The following GGA2 variants were observed in gnomAD, a reference collection of about 807,000 sequenced individuals.
GGA2 encodes the protein ADP-ribosylation factor-binding protein GGA2.
A neutral mutation model predicts 79.5 loss-of-function variants in GGA2; 48 were observed. The ratio of observed to expected loss-of-function variants is 0.60; its 90% CI spans 0.48 to 0.77. The LOEUF (loss-of-function observed/expected upper bound fraction) is 0.77, where lower values mean the gene tolerates loss of function less well. Among genes scored for constraint, GGA2 ranks in the 30% least tolerant of loss-of-function variants. GGA2 has a pLI of 0.00. For missense variants in GGA2, 770 were observed against 774.0 expected (o/e 0.99, Z 0.06); for synonymous variants, 317 against 302.0 (o/e 1.05, Z -0.51).
intron 5 of GGA2, among the ~76,000 whole-genome samples, chr16:23,489,408 T>A (rs9936146): frequency 0.085 from 12,952 of 152,092 alleles, 957 homozygotes; most frequent in African/African-American, 0.2. Context: ...GTAATTTTTT[T>A]AAAAAATTTT....
At chr16:23,488,741 G>T in intron 5 of GGA2, 32 bp from the exon 6 acceptor site, 2 of 1,176,828 alleles carry the variant, frequency 1.7e-6, no homozygotes, top group Admixed American at 1.8e-5. Flanking sequence ...TTAAGACACC[G>T]ATATGGTACC....
At chr16:23,492,340 T>C (rs1964799272) in intron 4 of GGA2, among the ~76,000 whole-genome samples, 1 of 152,094 alleles carries the variant, frequency 6.6e-6, no homozygotes, top group Non-Finnish European at 1.5e-5. Context: ...TCCCCCCACC[T>C]GTGGAGGTGG....
chr16:23,472,190 T>C (rs1401668452), intron 14 of GGA2, among the ~76,000 whole-genome samples: 1 of 136,910 alleles, frequency 7.3e-6, no homozygotes, highest in Non-Finnish European at 1.6e-5. Flanking sequence ...CCTGGTTTTT[T>C]TTTTTTTTTT....
At chr16:23,469,954 A>G (rs1320149789) in intron 15 of GGA2, 42 bp downstream of exon 15, 1 of 1,415,234 alleles carries the variant, frequency 7.1e-7, no homozygotes, top group East Asian at 2.6e-5. Context: ...TGGCACTCAA[A>G]AACGACAGCC....
intron 11 of GGA2, 132 bp downstream of exon 11, chr16:23,479,633 A>C: frequency 9.5e-7 from 1 of 1,055,774 alleles, no homozygotes; most frequent in Non-Finnish European, 1.4e-6. Flanking sequence ...TCCCAGAGGG[A>C]ACCAGCTCAC....
chr16:23,498,544 A>G (rs1401953297), intron 1 of GGA2, among the ~76,000 whole-genome samples: 1 of 152,182 alleles, frequency 6.6e-6, no homozygotes, highest in Non-Finnish European at 1.5e-5. Flanking sequence ...CCTGGGCAAC[A>G]TAGTGAGGCC....
rs1242476354 is a variant in GGA2, at chr16:23,474,993, G to C, written c.1361C>G (p.Ser454Cys). 33 of 1,610,978 alleles carry C rather than the reference G, an allele frequency of 2.0e-5. No homozygotes were observed. Among genetic ancestry groups the C allele is most frequent in the Non-Finnish European group, 2.8e-5 (33 of 1,177,324 alleles). ...AGGAGCCAACGGGCCAGCCTCCCAG[G>C]ACCAACCTGGAGAGGACTTAGTACC... ...PPGTKSSPGWSWEAGPLAPSP... is the reference protein window; with the variant it reads ...PPGTKSSPGWCWEAGPLAPSP... The change falls in exon 14 of 17, where the codon TCC becomes TGC. Residue 454 changes from serine to cysteine, a missense_variant. Ser to Cys is a moderately radical substitution (Grantham distance 112, BLOSUM62 -1). Coordinates refer to ENST00000309859, the MANE Select transcript of GGA2 (RefSeq NM_015044.4).
upstream of GGA2, chr16:23,510,527 G>A (rs957330601): frequency 3.9e-5 from 16 of 406,666 alleles, no homozygotes; most frequent in African/African-American, 3.2e-4. Context: ...GACGGGGCGG[G>A]GCCGCTGGCG....
intron 7 of GGA2, 87 bp downstream of exon 7, chr16:23,486,623 T>C: frequency 1.2e-6 from 1 of 832,072 alleles, no homozygotes; most frequent in South Asian, 1.3e-5. Flanking sequence ...CAACCGTTCC[T>C]CTACCCCTCA....
At chr16:23,486,251 A>T (rs1567363675) in intron 7 of GGA2, 99 bp from the exon 8 acceptor site, 1 of 1,052,480 alleles carries the variant, frequency 9.5e-7, no homozygotes, top group African/African-American at 1.6e-5. Context: ...GAGCTCGCTC[A>T]GGGGCATCAC....
intron 2 of GGA2, among the ~76,000 whole-genome samples, chr16:23,495,175 G>T (rs1481526091): frequency 6.6e-6 from 1 of 151,974 alleles, no homozygotes. Context: ...CAGATGCTGT[G>T]GAAACAGAAT....
intron 13 of GGA2, among the ~76,000 whole-genome samples, chr16:23,476,225 C>G (rs1004682049): frequency 6.6e-6 from 1 of 152,102 alleles, no homozygotes; most frequent in Non-Finnish European, 1.5e-5. Context: ...CCACCCTGCC[C>G]GAGTGGCTGA....
rs1426813098 is a variant in GGA2 at position 23,494,398 on chromosome 16, C to A, written c.177-20G>T. 1 of 1,556,020 alleles carries A rather than the reference C, an allele frequency of 6.4e-7. No homozygotes were observed. The highest frequency in any genetic ancestry group is 1.7e-5 in the Admixed American group (1 of 59,962). On this transcript the variant is annotated intron_variant, in intron 2 of 16. Transcript: ENST00000309859. ...GTGGGGCTACAGGGAAACAAAAAGA[C>A]CTAGACTCTGGGCGGGCAAAAAGAA...
At chr16:23,475,167 CA>C in intron 13 of GGA2, 106 bp from the exon 14 acceptor site, 1 of 622,466 alleles carries the variant, frequency 1.6e-6, no homozygotes, top group Non-Finnish European at 2.8e-6. Context: ...CACACACACA[CA>C]CAGAGTTAGA....
At chr16:23,520,833 G>T (rs1451148644) in intron 1 of GGA2, among the ~76,000 whole-genome samples, 2 of 152,092 alleles carry the variant, frequency 1.3e-5, no homozygotes, top group Admixed American at 1.3e-4. Context: ...CTGTTCCCCA[G>T]GCTGGAGTAC....
Position 23,468,890 on chromosome 16 carries a change from T to A in GGA2, c.1727A>T (p.His576Leu). Residue 576 changes from histidine (H) to leucine (L), a missense_variant, in exon 16 of 17, where the codon CAC (histidine) becomes CTC (leucine). Coordinates refer to ENST00000309859, the MANE Select transcript of GGA2 (RefSeq NM_015044.4). ...ACCACAGACACTGGAACATACTTTGTGTGGATTGTCAAGCAGCAGCATCTG... is the reference window on the plus strand; with the variant it reads ...ACCACAGACACTGGAACATACTTTGAGTGGATTGTCAAGCAGCAGCATCTG... ...ISQMLLLDNP[H>L]KEPIRLRYKL... is the part of the protein sequence containing the mutation. 1 of 1,585,512 alleles carries A rather than the reference T, an allele frequency of 6.3e-7. No homozygotes were observed. Among genetic ancestry groups the A allele is most frequent in the Non-Finnish European group, 8.7e-7 (1 of 1,154,040 alleles).
Position 23,465,836 on chromosome 16 carries a change from G to A in GGA2, c.*1754C>T. ...CACGCCTGTAGTCCCAGCTACTCGA[G>A]AGGCTGAGGCACGAGAATCGCTTGA... On this transcript the variant is annotated 3_prime_UTR_variant, in exon 17 of 17. Transcript: ENST00000309859. The A allele has an allele frequency of 6.0e-6, 1 of 167,668 alleles. No homozygotes were observed. The highest frequency in any genetic ancestry group is 1.5e-4 in the South Asian group (1 of 6,468). 10.4% of individuals were successfully genotyped at this position (167,668 alleles called of 1,614,324 possible). A position where few individuals can be genotyped will look rare whatever the true frequency, so the allele number is the denominator to read the frequency against.
chr16:23,467,807 T>C (rs1214098585), intron 16 of GGA2, 107 bp from the exon 17 acceptor site: 1 of 698,670 alleles, frequency 1.4e-6, no homozygotes, highest in East Asian at 2.7e-5. Context: ...ACAAAATACC[T>C]GGGATACTCT....
chr16:23,518,860 C>T (rs1020338895), intron 2 of GGA2, among the ~76,000 whole-genome samples: 10 of 152,070 alleles, frequency 6.6e-5, no homozygotes, highest in African/African-American at 2.4e-4. Context: ...TATGGTTATA[C>T]AAAAAGACAG....
Sources: allele counts gnomAD v4.1 joint callset (sites outside exome capture counted in the v4.1 genomes callset), GRCh38; gene constraint gnomAD v4.1.1; transcripts MANE v1.5; gene names NCBI Gene and HGNC (gene_info 2026-07-23, HGNC 2026-07-21).